The following CDH13 variants were observed in gnomAD, a reference collection of about 807,000 sequenced individuals.
CDH13 encodes the protein cadherin 13.
A neutral mutation model predicts 63.8 loss-of-function variants in CDH13; 24 were observed. That is an observed-to-expected ratio of 0.38 (90% CI 0.27 to 0.53). The LOEUF (loss-of-function observed/expected upper bound fraction) is 0.53, where lower values mean the gene tolerates loss of function less well. CDH13 is among the 20% of genes least tolerant of loss of function. The pLI, the probability that CDH13 is intolerant of heterozygous loss-of-function variation, is 0.85. For missense variants in CDH13, 1,049 were observed against 903.1 expected (o/e 1.16, Z -2.07); for synonymous variants, 503 against 355.3 (o/e 1.42, Z -4.67).
intron 8 of CDH13, among the ~76,000 whole-genome samples, chr16:83,606,236 A>G (rs1908317031): frequency 6.6e-6 from 1 of 152,210 alleles, no homozygotes; most frequent in Non-Finnish European, 1.5e-5. Context: ...ATATCTTAGG[A>G]CATTTCGAAG....
At chr16:82,789,431 T>C (rs1157528453) in intron 1 of CDH13, among the ~76,000 whole-genome samples, 1 of 152,200 alleles carries the variant, frequency 6.6e-6, no homozygotes, top group African/African-American at 2.4e-5. Flanking sequence ...TCACTCTGAA[T>C]CACATCAAGG....
chr16:83,018,015 T>G (rs1567749102), intron 2 of CDH13, among the ~76,000 whole-genome samples: 1 of 152,220 alleles, frequency 6.6e-6, no homozygotes, highest in Non-Finnish European at 1.5e-5. Flanking sequence ...TCTCTTCTTT[T>G]TCACTCAGTA....
chr16:82,641,878 T>C (rs1443372780), intron 1 of CDH13, among the ~76,000 whole-genome samples: 1 of 152,082 alleles, frequency 6.6e-6, no homozygotes, highest in Non-Finnish European at 1.5e-5. Flanking sequence ...GTATGTGATG[T>C]CTGCAGGAGG....
At position 83,328,648 on chromosome 16, in the gene CDH13, T is replaced by C. The variant is rs139215746; in HGVS notation, c.637-16214T>C. ...AAGGTAACCAGCAGATGATGAGAGA[T>C]GGTCAGGTTCAGGTTGTAGTTTGAA... On this transcript the variant is annotated intron_variant, in intron 5 of 13. Transcript: ENST00000567109. Among the ~76,000 whole-genome samples, 480 of 152,128 alleles carry C rather than the reference T, an allele frequency of 3.2e-3. 2 individuals are homozygous for C. Among genetic ancestry groups the C allele is most frequent in the African/African-American group, 0.01 (425 of 41,488 alleles).
chr16:83,667,721 A>G (rs920273681), intron 8 of CDH13, among the ~76,000 whole-genome samples: 5 of 152,116 alleles, frequency 3.3e-5, no homozygotes, highest in Admixed American at 6.5e-5. Context: ...GCAGTGGTGT[A>G]ATCATAGCTC....
intron 7 of CDH13, among the ~76,000 whole-genome samples, chr16:83,589,124 T>G (rs1906465372): frequency 6.6e-6 from 1 of 152,042 alleles, no homozygotes; most frequent in African/African-American, 2.4e-5. Context: ...AGAATCCATT[T>G]TCTTGCTTTT....
intron 8 of CDH13, among the ~76,000 whole-genome samples, chr16:83,618,022 C>T (rs564866701): frequency 6.6e-6 from 1 of 152,286 alleles, no homozygotes; most frequent in South Asian, 2.1e-4. Flanking sequence ...CTGCTGTGGT[C>T]CCGCACCCAG....
At chr16:82,910,101 C>T (rs1477657804) in intron 2 of CDH13, among the ~76,000 whole-genome samples, 2 of 152,168 alleles carry the variant, frequency 1.3e-5, no homozygotes, top group African/African-American at 4.8e-5. Flanking sequence ...CCTCTTTACG[C>T]ATCCCATCAA....
intron 1 of CDH13, among the ~76,000 whole-genome samples, chr16:82,709,136 T>C (rs1463649800): frequency 6.6e-6 from 1 of 152,214 alleles, no homozygotes; most frequent in Non-Finnish European, 1.5e-5. Flanking sequence ...GCTCCAATTC[T>C]ATCCAGTTTT....
intron 4 of CDH13, among the ~76,000 whole-genome samples, chr16:83,193,760 T>A (rs937664930): frequency 6.6e-6 from 1 of 152,222 alleles, no homozygotes; most frequent in African/African-American, 2.4e-5. Flanking sequence ...AGAATTCACC[T>A]TGGCATAGAC....
intron 2 of CDH13, among the ~76,000 whole-genome samples, chr16:83,001,076 T>C (rs1295145797): frequency 6.6e-6 from 1 of 152,266 alleles, no homozygotes; most frequent in African/African-American, 2.4e-5. Flanking sequence ...ACTGCTCTAC[T>C]TACCTGCTTT....
intron 11 of CDH13, among the ~76,000 whole-genome samples, chr16:83,762,904 C>T (rs1412529718): frequency 1.3e-5 from 2 of 152,152 alleles, no homozygotes; most frequent in African/African-American, 4.8e-5. Flanking sequence ...CCCAAATGCC[C>T]TCTCACACTC....
intron 4 of CDH13, among the ~76,000 whole-genome samples, chr16:83,214,573 C>T (rs1177981192): frequency 1.3e-4 from 1 of 7,672 alleles, no homozygotes; most frequent in African/African-American, 2.2e-4. Context: ...GAGTGAGACT[C>T]TGTCTCAAAA....
At chr16:83,020,058 A>G (rs189543358) in intron 2 of CDH13, among the ~76,000 whole-genome samples, 5 of 152,320 alleles carry the variant, frequency 3.3e-5, no homozygotes, top group Admixed American at 2.0e-4. Context: ...ACTAGGCAAT[A>G]GGACTTTTTC....
intron 6 of CDH13, among the ~76,000 whole-genome samples, chr16:83,364,409 G>A (rs909209936): frequency 6.6e-6 from 1 of 152,098 alleles, no homozygotes; most frequent in Non-Finnish European, 1.5e-5. Context: ...TTTCAGCCTT[G>A]CATTATCCCG....
At chr16:83,015,503 A>C (rs1914668771) in intron 2 of CDH13, among the ~76,000 whole-genome samples, 1 of 151,402 alleles carries the variant, frequency 6.6e-6, no homozygotes. Flanking sequence ...CTGAAAATCA[A>C]CATAATCCAA....
chr16:82,710,812 A>G (rs924187434), intron 1 of CDH13, among the ~76,000 whole-genome samples: 1 of 149,948 alleles, frequency 6.7e-6, no homozygotes, highest in Non-Finnish European at 1.5e-5. Flanking sequence ...GTATATATGT[A>G]TGTTTTACAT....
At chr16:83,408,363 G>A (rs2092077924) in intron 6 of CDH13, among the ~76,000 whole-genome samples, 1 of 152,118 alleles carries the variant, frequency 6.6e-6, no homozygotes, top group South Asian at 2.1e-4. Context: ...TTGTCATTGT[G>A]CAAACATCAT....
chr16:83,334,244 C>T (rs2090538799), intron 5 of CDH13, among the ~76,000 whole-genome samples: 2 of 152,044 alleles, frequency 1.3e-5, no homozygotes, highest in Non-Finnish European at 2.9e-5. Flanking sequence ...GTCTTTCTGT[C>T]TGTCTGTCTC....
Sources: gnomAD v4.1 joint callset for allele counts (sites outside exome capture counted in the v4.1 genomes callset) on GRCh38, gnomAD v4.1.1 for gene constraint, MANE v1.5 for transcripts, NCBI Gene and HGNC (gene_info 2026-07-23, HGNC 2026-07-21) for gene names.